The following RBMS3 variants were observed in gnomAD, a reference collection of about 807,000 sequenced individuals.
RBMS3 encodes RNA binding motif single stranded interacting protein 3.
A neutral mutation model predicts 66.8 loss-of-function variants in RBMS3; 27 were observed. The observed-to-expected ratio is 0.40, with a 90% CI of 0.30 to 0.56. The LOEUF is 0.56. Among genes scored for constraint, RBMS3 ranks in the 20% least tolerant of loss-of-function variants. The pLI, the probability that RBMS3 is intolerant of heterozygous loss-of-function variation, is 0.40. For synonymous variants in RBMS3, 188 were observed against 183.0 expected (o/e 1.03, Z -0.22); for missense variants, 513 against 549.5 (o/e 0.93, Z 0.66).
At chr3:29,935,889 G>A (rs1559816923) in intron 10 of RBMS3, among the ~76,000 whole-genome samples, 197 bp from the exon 11 acceptor site, 1 of 152,070 alleles carries the variant, frequency 6.6e-6, no homozygotes, top group Non-Finnish European at 1.5e-5. Context: ...AAGAAAGGAA[G>A]ATGTTAATGC....
chr3:29,859,802 C>CAA (rs2059168313), intron 6 of RBMS3, among the ~76,000 whole-genome samples: 1 of 152,088 alleles, frequency 6.6e-6, no homozygotes, highest in African/African-American at 2.4e-5. Context: ...GTAATTTTTG[C>CAA]CATGTAAATT....
At chr3:29,891,504 T>C (rs541523680) in intron 8 of RBMS3, among the ~76,000 whole-genome samples, 1 of 151,554 alleles carries the variant, frequency 6.6e-6, no homozygotes, top group Non-Finnish European at 1.5e-5. Context: ...CTCTAATTTG[T>C]TTTTACTATT....
At chr3:29,484,934 C>A (rs372074254) in intron 2 of RBMS3, among the ~76,000 whole-genome samples, 1 of 152,088 alleles carries the variant, frequency 6.6e-6, no homozygotes, top group African/African-American at 2.4e-5. Flanking sequence ...TAATTGACTG[C>A]GGAGACTCTA....
intron 6 of RBMS3, among the ~76,000 whole-genome samples, chr3:29,848,909 G>C (rs558546227): frequency 6.6e-6 from 1 of 152,190 alleles, no homozygotes; most frequent in African/African-American, 2.4e-5. Context: ...TTTGGACATT[G>C]CTCAATTTCA....
chr3:29,286,122 A>G (rs778129535), intron 1 of RBMS3, among the ~76,000 whole-genome samples: 2 of 152,162 alleles, frequency 1.3e-5, no homozygotes, highest in Admixed American at 6.5e-5. Context: ...TAGAATTTTT[A>G]GGTACAACTC....
chr3:30,003,269 T>TGTATATATAGTATATATATAGTATGTA (rs1699690192), intron 14 of RBMS3, among the ~76,000 whole-genome samples: 2 of 152,018 alleles, frequency 1.3e-5, no homozygotes, highest in African/African-American at 2.4e-5. Flanking sequence ...ATTTTTCTAG[T>TGTATATATAGTATATATATAGTATGTA]TAAACACCTA....
chr3:29,623,342 C>T (rs1824221), intron 4 of RBMS3, among the ~76,000 whole-genome samples: 35,217 of 151,868 alleles, frequency 0.23, 4,599 homozygotes, highest in African/African-American at 0.34. Flanking sequence ...CCTGTAATCC[C>T]AGCACTTTGG....
At chr3:29,956,088 T>C (rs1192208877) in intron 12 of RBMS3, among the ~76,000 whole-genome samples, 1 of 152,128 alleles carries the variant, frequency 6.6e-6, no homozygotes, top group African/African-American at 2.4e-5. Context: ...GAAGAACTTA[T>C]CAACCTTGTG....
At chr3:29,339,721 A>C (rs1254139764) in intron 1 of RBMS3, among the ~76,000 whole-genome samples, 1 of 152,108 alleles carries the variant, frequency 6.6e-6, no homozygotes, top group Admixed American at 6.6e-5. Flanking sequence ...CTAAAATAAT[A>C]TGTTATTCAC....
chr3:29,361,459 TTCTC>T (rs2037584058), intron 1 of RBMS3, among the ~76,000 whole-genome samples: 1 of 152,226 alleles, frequency 6.6e-6, no homozygotes, highest in African/African-American at 2.4e-5. Context: ...AACCCAACCT[TTCTC>T]TCTGTCTGCC....
chr3:29,835,066 G>A (rs951395980), intron 6 of RBMS3, among the ~76,000 whole-genome samples: 22 of 151,976 alleles, frequency 1.4e-4, no homozygotes, highest in African/African-American at 5.1e-4. Context: ...TGGTAAAGTA[G>A]TCAATTCATC....
intron 10 of RBMS3, 132 bp downstream of exon 10, chr3:29,899,887 A>G (rs937083520): frequency 3.7e-6 from 3 of 801,016 alleles, no homozygotes; most frequent in Non-Finnish European, 5.8e-6. Context: ...TCTCCAGATA[A>G]AAAGCTGTTC....
intron 3 of RBMS3, among the ~76,000 whole-genome samples, chr3:29,517,555 C>T (rs1178068932): frequency 6.6e-6 from 1 of 152,114 alleles, no homozygotes; most frequent in Non-Finnish European, 1.5e-5. Flanking sequence ...GATCTCCTGA[C>T]CTCGTGATCC....
intron 1 of RBMS3, among the ~76,000 whole-genome samples, chr3:29,414,185 A>T (rs954172205): frequency 2.0e-5 from 3 of 152,250 alleles, no homozygotes; most frequent in Non-Finnish European, 4.4e-5. Context: ...ACATTCGATA[A>T]CAAAGCTTGT....
At chr3:29,465,252 A>T (rs2042498344) in intron 2 of RBMS3, among the ~76,000 whole-genome samples, 2 of 152,212 alleles carry the variant, frequency 1.3e-5, no homozygotes, top group African/African-American at 4.8e-5. Flanking sequence ...TGAATAAAAG[A>T]CATAAATGTT....
At chr3:29,569,219 A>G (rs1387760833) in intron 3 of RBMS3, among the ~76,000 whole-genome samples, 2 of 152,136 alleles carry the variant, frequency 1.3e-5, no homozygotes, top group Non-Finnish European at 1.5e-5. Context: ...TAAACTAAAC[A>G]GTTCTCTAAA....
At position 29,885,978 on chromosome 3, in the gene RBMS3, T is replaced by C. The variant is rs138103654; in HGVS notation, c.791+1770T>C. 2.6e-3 allele frequency among the ~76,000 whole-genome samples: 397 copies of C among 152,012 alleles called. 2 individuals are homozygous for C. The East Asian group carries it at 0.029, about 11-fold the overall frequency. On this transcript the variant is annotated intron_variant, in intron 8 of 14. Transcript: ENST00000383767. The stretch of plus-strand genomic sequence containing the variant: ...GAAATAAAATAAAAATTAGCTTTTA[T>C]ATATAATTATGTAGTCAATTATTAA...
At chr3:29,372,344 AG>A (rs1477738410) in intron 1 of RBMS3, among the ~76,000 whole-genome samples, 2 of 152,124 alleles carry the variant, frequency 1.3e-5, no homozygotes, top group African/African-American at 4.8e-5. Flanking sequence ...AAAAGAAAAA[AG>A]TTTACCAAAG....
At chr3:29,760,054 G>A (rs2055602614) in intron 5 of RBMS3, among the ~76,000 whole-genome samples, 1 of 152,010 alleles carries the variant, frequency 6.6e-6, no homozygotes, top group Non-Finnish European at 1.5e-5. Context: ...CTGTCTTTGT[G>A]TTCATAGAAA....
Sources: gnomAD v4.1 joint callset for allele counts (sites outside exome capture counted in the v4.1 genomes callset) on GRCh38, gnomAD v4.1.1 for gene constraint, MANE v1.5 for transcripts, NCBI Gene and HGNC (gene_info 2026-07-23, HGNC 2026-07-21) for gene names.